The following TRIM71 variants were observed in gnomAD, a reference collection of about 807,000 sequenced individuals.
TRIM71 encodes E3 ubiquitin-protein ligase TRIM71.
In TRIM71, 9 loss-of-function variants were observed where a neutral mutation model predicts 61.2. That is an observed-to-expected ratio of 0.15 (90% confidence interval 0.09 to 0.26). The LOEUF (loss-of-function observed/expected upper bound fraction) is 0.26, where lower values mean the gene tolerates loss of function less well. Ranked by LOEUF, TRIM71 falls within the 10% of genes least tolerant of loss-of-function variation. TRIM71 has a pLI of 1.00. For missense variants in TRIM71, 998 were observed against 1,238.7 expected, an observed-to-expected ratio of 0.81 and a Z score of 2.92; for synonymous variants, 645 against 553.2, an observed-to-expected ratio of 1.17 and a Z score of -2.33.
At chr3:32,823,966 C>G (rs1399904101) in intron 1 of TRIM71, among the ~76,000 whole-genome samples, 1 of 151,656 alleles carries the variant, frequency 6.6e-6, no homozygotes, top group East Asian at 1.9e-4. Flanking sequence ...TCCCAGCTAC[C>G]CAGGAGGCTG....
chr3:32,824,539 G>C (rs1330047402), intron 1 of TRIM71, among the ~76,000 whole-genome samples: 1 of 152,084 alleles, frequency 6.6e-6, no homozygotes, highest in Admixed American at 6.6e-5. Flanking sequence ...TCCCAGGCTG[G>C]AGTGCAGTTG....
At chr3:32,837,018 T>G (rs897425197) in intron 1 of TRIM71, among the ~76,000 whole-genome samples, 1 of 152,132 alleles carries the variant, frequency 6.6e-6, no homozygotes, top group African/African-American at 2.4e-5. Flanking sequence ...TCCCCCCAAT[T>G]TTTATCTTCA....
In TRIM71 at chr3:32,818,568, C is replaced by G. The variant is rs919990262; in HGVS notation, c.488C>G (p.Ser163Cys). Reference sequence around the variant, plus strand: ...CACGCGCACCCGCGCGCGTCCGCCTCCGCGCCGCCACTCCCGCAGGCGCCG... The same window carrying G: ...CACGCGCACCCGCGCGCGTCCGCCTGCGCGCCGCCACTCCCGCAGGCGCCG... ...AHHAHPRASA[S>C]APPLPQAPQP... is the part of the protein sequence containing the mutation. Residue 163 changes from serine (S) to cysteine (C), a missense_variant, in exon 1 of 4, where the codon TCC becomes TGC. By Grantham distance (112) the Ser-to-Cys change is moderately radical. This residue lies in a region of TRIM71 where 527 missense variants were observed against 427.8 expected (regional missense o/e 1.23). Transcript: ENST00000383763. 8 of 1,270,310 alleles carry G rather than the reference C, an allele frequency of 6.3e-6. No individual in the cohort carries two copies. The highest frequency in any genetic ancestry group is 3.0e-4 in the Middle Eastern group (1 of 3,340). The allele number at this position is 1,270,310 out of a possible 1,614,324, so 78.7% of individuals were successfully genotyped here.
rs1463974405 is a variant in TRIM71 at position 32,891,841 on chromosome 3, T to G, written c.*30T>G. On this transcript the variant is annotated 3_prime_UTR_variant, in exon 4 of 4. Coordinates refer to ENST00000383763, the MANE Select transcript of TRIM71 (RefSeq NM_001039111.3). The surrounding 1 kb of genome is among the most constrained non-coding windows in gnomAD (Gnocchi z 8.2). ...ATTTCCTAGGTTTCTGTGTTTGGGG[T>G]GTGTGTGCGTGTCTCTCTCTCTCTC... The G allele has an allele frequency of 2.5e-6, 4 of 1,590,986 alleles. No homozygotes were observed. The highest frequency in any genetic ancestry group is 1.1e-5 in the South Asian group (1 of 89,642).
At chr3:32,834,489 G>A (rs1696309421) in intron 1 of TRIM71, among the ~76,000 whole-genome samples, 1 of 152,174 alleles carries the variant, frequency 6.6e-6, no homozygotes, top group Non-Finnish European at 1.5e-5. Flanking sequence ...GGCATACAAT[G>A]AAAGGCATTA....
intron 1 of TRIM71, among the ~76,000 whole-genome samples, chr3:32,844,738 A>C (rs1055321278): frequency 6.6e-6 from 1 of 152,214 alleles, no homozygotes; most frequent in Non-Finnish European, 1.5e-5. Flanking sequence ...GCTTTAACTT[A>C]GCTGATGAAG....
At chr3:32,886,155 A>G (rs1402358230) in intron 3 of TRIM71, 87 bp downstream of exon 3, 2 of 1,433,464 alleles carry the variant, frequency 1.4e-6, no homozygotes, top group Non-Finnish European at 1.8e-6. Flanking sequence ...TTACAGATCC[A>G]GGAGCCAAGC....
chr3:32,852,922 G>A (rs897686407), intron 1 of TRIM71, among the ~76,000 whole-genome samples: 16 of 152,128 alleles, frequency 1.1e-4, no homozygotes, highest in African/African-American at 3.4e-4. Flanking sequence ...CCAGTTTGGT[G>A]TGAATAAAAA....
chr3:32,873,056 T>TCCCTCC (rs1696812914), intron 1 of TRIM71, among the ~76,000 whole-genome samples: 1 of 116,272 alleles, frequency 8.6e-6, no homozygotes, highest in African/African-American at 3.2e-5. Context: ...CCAGCCCTTC[T>TCCCTCC]CTCTCTTCCT....
intron 1 of TRIM71, among the ~76,000 whole-genome samples, chr3:32,833,196 A>AAAAAAAAAAAT (rs1696294564): frequency 6.7e-6 from 1 of 149,234 alleles, no homozygotes; most frequent in Non-Finnish European, 1.5e-5. Context: ...AAAAAAAAAA[A>AAAAAAAAAAAT]AAAAAAAAAA....
intron 1 of TRIM71, among the ~76,000 whole-genome samples, chr3:32,833,712 A>G (rs1388417913): frequency 6.6e-6 from 1 of 151,374 alleles, no homozygotes; most frequent in Non-Finnish European, 1.5e-5. Flanking sequence ...AGTGGGAAGA[A>G]TGACCTGACT....
intron 1 of TRIM71, among the ~76,000 whole-genome samples, chr3:32,853,236 C>A (rs1407221938): frequency 6.6e-6 from 1 of 151,882 alleles, no homozygotes; most frequent in African/African-American, 2.4e-5. Flanking sequence ...CCTGCCTCAG[C>A]CTCCCGAGTA....
intron 1 of TRIM71, among the ~76,000 whole-genome samples, chr3:32,835,378 T>C (rs911164868): frequency 3.3e-5 from 5 of 152,076 alleles, no homozygotes; most frequent in African/African-American, 1.2e-4. Flanking sequence ...CCCCTCTAAA[T>C]GGTAAAAGCA....
At chr3:32,885,831 C>T in intron 2 of TRIM71, 103 bp from the exon 3 acceptor site, 3 of 1,485,624 alleles carry the variant, frequency 2.0e-6, no homozygotes, top group Non-Finnish European at 2.7e-6. Context: ...TCTGGGAACC[C>T]AGGGTGTCAG....
chr3:32,837,854 C>G (rs1323802946), intron 1 of TRIM71, among the ~76,000 whole-genome samples: 1 of 152,120 alleles, frequency 6.6e-6, no homozygotes, highest in Non-Finnish European at 1.5e-5. Flanking sequence ...TGGCATTTAG[C>G]TTCTGAGAAG....
intron 2 of TRIM71, among the ~76,000 whole-genome samples, chr3:32,877,334 C>T (rs1159079863): frequency 6.6e-6 from 1 of 152,014 alleles, no homozygotes; most frequent in East Asian, 1.9e-4. Context: ...GAACTCTTGA[C>T]CTCAGATGAT....
chr3:32,873,431 TAGG>T (rs1696819877), intron 1 of TRIM71, among the ~76,000 whole-genome samples: 1 of 152,130 alleles, frequency 6.6e-6, no homozygotes, highest in African/African-American at 2.4e-5. Flanking sequence ...AATATCAGAC[TAGG>T]TAACACAGTC....
chr3:32,852,547 T>C (rs1300080317), intron 1 of TRIM71, among the ~76,000 whole-genome samples: 1 of 152,144 alleles, frequency 6.6e-6, no homozygotes, highest in Admixed American at 6.5e-5. Flanking sequence ...GGGAATGTGC[T>C]ATTAAAGTCA....
At chr3:32,839,146 T>G (rs892566765) in intron 1 of TRIM71, among the ~76,000 whole-genome samples, 4 of 151,960 alleles carry the variant, frequency 2.6e-5, no homozygotes, top group African/African-American at 9.7e-5. Flanking sequence ...GGGGTGTGAG[T>G]GGAGGGTGTT....
Sources: gnomAD v4.1 joint callset for allele counts (sites outside exome capture counted in the v4.1 genomes callset) on GRCh38, gnomAD v4.1.1 for gene constraint, gnomAD v4.1.1 regional missense constraint, Gnocchi (gnomAD v3.1) non-coding constraint, MANE v1.5 for transcripts, NCBI Gene and HGNC (gene_info 2026-07-23, HGNC 2026-07-21) for gene names.